The following EPAS1 variants were observed in gnomAD, a reference collection of about 807,000 sequenced individuals.
EPAS1 encodes endothelial PAS domain-containing protein 1.
Under a neutral mutation model 87.9 loss-of-function variants are expected in EPAS1, and 23 were observed. The observed-to-expected ratio is 0.26, with a 90% CI of 0.19 to 0.37. The LOEUF (loss-of-function observed/expected upper bound fraction) is 0.37, where lower values mean the gene tolerates loss of function less well. Among genes scored for constraint, EPAS1 ranks in the 10% least tolerant of loss-of-function variants. EPAS1 has a pLI of 1.00. For synonymous variants in EPAS1, 508 were observed against 444.3 expected (o/e 1.14, Z -1.80); for missense variants, 1,138 against 1,120.7 (o/e 1.02, Z -0.22).
chr2:46,297,672 T>A lies in EPAS1; in HGVS notation c.-240T>A, dbSNP rs2104831033. On this transcript the variant is annotated 5_prime_UTR_variant, in exon 1 of 16. Coordinates refer to ENST00000263734, the MANE Select transcript of EPAS1 (RefSeq NM_001430.5). ...GGGTCTGACAGCCTCCACCCACTCC[T>A]TCCCCGGACCCCGCCTCCGCGCGCA... 1.8e-6 allele frequency: 1 copy of A among 556,746 alleles called. No individual in the cohort carries two copies. The highest frequency in any genetic ancestry group is 3.2e-6 in the Non-Finnish European group (1 of 314,862). The allele number at this position is 556,746 out of a possible 1,614,324, so 34.5% of individuals were successfully genotyped here. A position where few individuals can be genotyped will look rare whatever the true frequency, so the allele number is the denominator to read the frequency against.
intron 6 of EPAS1, among the ~76,000 whole-genome samples, chr2:46,364,221 C>A (rs907534384): frequency 6.6e-6 from 1 of 152,192 alleles, no homozygotes; most frequent in Non-Finnish European, 1.5e-5. Flanking sequence ...GGTTTAATGA[C>A]ATCTGAGACA....
intron 11 of EPAS1, 87 bp downstream of exon 11, chr2:46,378,854 C>T: frequency 7.8e-7 from 1 of 1,287,898 alleles, no homozygotes; most frequent in South Asian, 1.2e-5. Flanking sequence ...AGCCTCATCC[C>T]TTTGTTGTAA....
chr2:46,352,068 C>T (rs563628193), intron 2 of EPAS1, among the ~76,000 whole-genome samples: 2 of 152,216 alleles, frequency 1.3e-5, no homozygotes, highest in African/African-American at 2.4e-5. Context: ...CTCCCCAGGA[C>T]GGGCATGCAC....
At chr2:46,357,958 G>T (rs1684304918) in intron 4 of EPAS1, among the ~76,000 whole-genome samples, 1 of 152,166 alleles carries the variant, frequency 6.6e-6, no homozygotes, top group South Asian at 2.1e-4. Context: ...TGACTGTCAA[G>T]GTCCCTTCCA....
At chr2:46,352,830 C>A (rs144020879) in intron 2 of EPAS1, among the ~76,000 whole-genome samples, 17 of 152,230 alleles carry the variant, frequency 1.1e-4, no homozygotes, top group African/African-American at 4.1e-4. Flanking sequence ...TGTTACCCTT[C>A]GTGGCCCTAG....
chr2:46,379,832 G>C lies in EPAS1; in HGVS notation c.1555-395G>C, dbSNP rs528393077. On this transcript the variant is annotated intron_variant, in intron 11 of 15. Transcript: ENST00000263734. ...AGGAGGGAGAAGAGGACAAAAAAAAGCCACAGTGTGCACCACAGGCCTAAG... is the reference window on the plus strand; with the variant it reads ...AGGAGGGAGAAGAGGACAAAAAAAACCCACAGTGTGCACCACAGGCCTAAG... The C allele has an allele frequency of 1.6e-4, 44 of 282,168 alleles. No homozygotes were observed. In the South Asian group the frequency reaches 1.9e-3, roughly 12 times the overall value. 17.5% of individuals were successfully genotyped at this position (282,168 alleles called of 1,614,324 possible).
At chr2:46,336,753 A>G (rs1683800673) in intron 1 of EPAS1, among the ~76,000 whole-genome samples, 1 of 152,224 alleles carries the variant, frequency 6.6e-6, no homozygotes, top group African/African-American at 2.4e-5. Flanking sequence ...ACAGACTAGT[A>G]GAATCAGCAT....
chr2:46,336,909 C>A (rs760007091), intron 1 of EPAS1, among the ~76,000 whole-genome samples: 7 of 152,238 alleles, frequency 4.6e-5, no homozygotes, highest in Non-Finnish European at 1.0e-4. Context: ...CAGCTGTCAG[C>A]AGCACTAGTT....
intron 1 of EPAS1, among the ~76,000 whole-genome samples, chr2:46,311,328 G>C (rs777061746): frequency 2.8e-4 from 42 of 152,280 alleles, no homozygotes; most frequent in Middle Eastern, 6.8e-3. Context: ...GCAGGCTGCT[G>C]AGCCTCAGGC....
In EPAS1 at chr2:46,323,450, C is replaced by T. The variant is rs7582318; in HGVS notation, c.27-23423C>T. ...ATTATGTTTTTATATATCTTGCGCA[C>T]CCAACAGTTCTTAGCAAGGCCCGTG... is the stretch of plus-strand genomic sequence containing the variant. On this transcript the variant is annotated intron_variant, in intron 1 of 15. Coordinates refer to ENST00000263734, the MANE Select transcript of EPAS1 (RefSeq NM_001430.5). Among the ~76,000 whole-genome samples the T allele has an allele frequency of 4.4e-3, 666 of 152,310 alleles. 5 individuals are homozygous for T. Among genetic ancestry groups the T allele is most frequent in the African/African-American group, 0.016 (649 of 41,552 alleles).
At chr2:46,382,649 GA>G in intron 15 of EPAS1, 51 bp downstream of exon 15, 1 of 1,608,340 alleles carries the variant, frequency 6.2e-7, no homozygotes, top group East Asian at 2.2e-5. Context: ...GATGCCAGGG[GA>G]AGCCCACGTC....
Position 46,384,332 on chromosome 2 carries a change from G to GGTCTCAGCACTCCAGTC in EPAS1, c.2462-177_2462-176insGTCTCAGCACTCCAGTC. ...GGGTCTCAGCACCCCACCTGAGGCA[G>GGTCTCAGCACTCCAGTC]TGGTTCTGGAGGCAGACACGTTCCC... On this transcript the variant is annotated intron_variant, in intron 15 of 15. Coordinates refer to ENST00000263734, the MANE Select transcript of EPAS1 (RefSeq NM_001430.5). 4 of 868,370 alleles carry GGTCTCAGCACTCCAGTC rather than the reference G, an allele frequency of 4.6e-6. No homozygotes were observed. In the South Asian group the frequency reaches 5.6e-5, roughly 12 times the overall value. 53.8% of individuals were successfully genotyped at this position (868,370 alleles called of 1,614,324 possible).
intron 1 of EPAS1, among the ~76,000 whole-genome samples, chr2:46,298,604 C>A (rs1017743926): frequency 6.6e-6 from 1 of 152,196 alleles, no homozygotes; most frequent in African/African-American, 2.4e-5. Context: ...GCAGATGGTT[C>A]GGTGTGTAGG....
chr2:46,365,135 T>C (rs1282342837), intron 6 of EPAS1, among the ~76,000 whole-genome samples: 1 of 152,262 alleles, frequency 6.6e-6, no homozygotes, highest in African/African-American at 2.4e-5. Flanking sequence ...CAGGCCTTTC[T>C]AATTATCATA....
At position 46,375,677 on chromosome 2, in the gene EPAS1, T is replaced by A. The variant is rs1376355194; in HGVS notation, c.887-13T>A. ...CCACCTCCCTAAGCTCAGCTCTGTT[T>A]CTCCTCCCCTAGTGTGCACCAAGGG... On this transcript the variant is annotated splice_polypyrimidine_tract_variant and intron_variant, in intron 7 of 15. Transcript: ENST00000263734. This position sits in a 1 kb window ranked among gnomAD's most constrained non-coding sequence, Gnocchi z 4.1. 6.2e-7 allele frequency: 1 copy of A among 1,613,490 alleles called. No individual in the cohort carries two copies.
chr2:46,326,023 T>C (rs188897120), intron 1 of EPAS1, among the ~76,000 whole-genome samples: 1 of 152,352 alleles, frequency 6.6e-6, no homozygotes, highest in African/African-American at 2.4e-5. Flanking sequence ...GCATGGGTGC[T>C]ATTTTGAATA....
intron 1 of EPAS1, among the ~76,000 whole-genome samples, chr2:46,331,652 T>A (rs926646109): frequency 4.7e-5 from 7 of 147,630 alleles, no homozygotes; most frequent in South Asian, 2.1e-4. Flanking sequence ...GGGAAATAAC[T>A]AAGCGGAGAG....
intron 2 of EPAS1, among the ~76,000 whole-genome samples, chr2:46,351,269 A>G (rs1684139157): frequency 6.6e-6 from 1 of 152,242 alleles, no homozygotes; most frequent in African/African-American, 2.4e-5. Flanking sequence ...TCGTCAGTCA[A>G]CAGGTGTTTG....
chr2:46,377,827 G>A (rs1684790145), intron 9 of EPAS1, 67 bp from the exon 10 acceptor site: 11 of 1,551,162 alleles, frequency 7.1e-6, no homozygotes, highest in Non-Finnish European at 9.6e-6. Flanking sequence ...CGGTTTTTGG[G>A]CCTCCTCTGC....
Sources: gnomAD v4.1 joint callset for allele counts (sites outside exome capture counted in the v4.1 genomes callset) on GRCh38, gnomAD v4.1.1 for gene constraint, Gnocchi (gnomAD v3.1) non-coding constraint, MANE v1.5 for transcripts, NCBI Gene and HGNC (gene_info 2026-07-23, HGNC 2026-07-21) for gene names.